PRKAA1: variants seen among roughly 807,000 people sequenced by gnomAD.
PRKAA1 encodes protein kinase AMP-activated catalytic subunit alpha 1, also known as 5'-AMP-activated protein kinase catalytic subunit alpha-1.
PRKAA1 carries 23 observed loss-of-function variants against 56.9 expected under a neutral mutation model. The observed-to-expected ratio is 0.40, with a 90% CI of 0.29 to 0.57. The LOEUF is 0.57. Among genes scored for constraint, PRKAA1 ranks in the 20% least tolerant of loss-of-function variants. PRKAA1 has a pLI of 0.39. For synonymous variants in PRKAA1, 226 were observed against 227.0 expected, an observed-to-expected ratio of 1.00 and a Z score of 0.04; for missense variants, 413 against 679.7, an observed-to-expected ratio of 0.61 and a Z score of 4.36.
Position 40,770,732 on chromosome 5 carries a change from TAGGCACGCA to T in PRKAA1, c.508+978_508+986del, listed in dbSNP as rs1402033510. Reference sequence around the variant, plus strand: ...TCAGCCTCCAGGGTAGTGGGGACTATAGGCACGCACCACCATGCCCAGCTAATTTTGTAT... The same window carrying T: ...TCAGCCTCCAGGGTAGTGGGGACTATCCACCATGCCCAGCTAATTTTGTAT... On this transcript the variant is annotated intron_variant, in intron 4 of 8. Coordinates refer to ENST00000397128, the MANE Select transcript of PRKAA1 (RefSeq NM_006251.6). Among the ~76,000 whole-genome samples the T allele has an allele frequency of 6.1e-3, 923 of 151,218 alleles. 12 individuals are homozygous for T. The highest frequency in any genetic ancestry group is 0.021 in the African/African-American group (873 of 41,304).
intron 1 of PRKAA1, among the ~76,000 whole-genome samples, chr5:40,794,647 T>C (rs1337130483): frequency 1.6e-5 from 2 of 126,536 alleles, no homozygotes; most frequent in African/African-American, 5.3e-5. Context: ...TTAATCCATC[T>C]TGAGTTGATT....
At chr5:40,782,116 T>C (rs1390306148) in intron 1 of PRKAA1, among the ~76,000 whole-genome samples, 1 of 152,150 alleles carries the variant, frequency 6.6e-6, no homozygotes, top group Non-Finnish European at 1.5e-5. Flanking sequence ...CAATACTGGA[T>C]AATACTGGTG....
chr5:40,789,900 T>A (rs777312196), intron 1 of PRKAA1, among the ~76,000 whole-genome samples: 4 of 152,204 alleles, frequency 2.6e-5, no homozygotes, highest in Non-Finnish European at 4.4e-5. Flanking sequence ...CATAAATATA[T>A]ACAATTGTTA....
intron 1 of PRKAA1, among the ~76,000 whole-genome samples, chr5:40,786,269 AAGC>A (rs1251731362): frequency 4.6e-5 from 7 of 151,614 alleles, no homozygotes; most frequent in Non-Finnish European, 1.0e-4. Flanking sequence ...AAAAAAAAAA[AAGC>A]AGCAGCAGCT....
At chr5:40,786,608 T>C (rs1309246777) in intron 1 of PRKAA1, among the ~76,000 whole-genome samples, 2 of 151,142 alleles carry the variant, frequency 1.3e-5, no homozygotes, top group African/African-American at 4.9e-5. Flanking sequence ...GACAGGCCAC[T>C]GGAAATCATA....
chr5:40,784,397 C>A (rs1460983479), intron 1 of PRKAA1, among the ~76,000 whole-genome samples: 2 of 152,168 alleles, frequency 1.3e-5, no homozygotes, highest in Non-Finnish European at 2.9e-5. Flanking sequence ...ACCACCACTA[C>A]CACCAATCCT....
At chr5:40,763,138 T>G in intron 8 of PRKAA1, 116 bp from the exon 9 acceptor site, 1 of 926,800 alleles carries the variant, frequency 1.1e-6, no homozygotes, top group Non-Finnish European at 1.6e-6. Context: ...AAGAGCACGC[T>G]TATTCTAAAT....
At chr5:40,788,149 G>T (rs1160553335) in intron 1 of PRKAA1, among the ~76,000 whole-genome samples, 3 of 152,156 alleles carry the variant, frequency 2.0e-5, no homozygotes, top group Non-Finnish European at 4.4e-5. Context: ...AATTAAAACA[G>T]CACGGCACTG....
In PRKAA1 at chr5:40,759,438, A is replaced by C. The variant is rs1743072053; in HGVS notation, c.*3340T>G. The C allele has an allele frequency of 6.6e-6, 1 of 152,300 alleles. No homozygotes were observed. The highest frequency in any genetic ancestry group is 1.5e-5 in the Non-Finnish European group (1 of 68,030). 9.4% of individuals were successfully genotyped at this position (152,300 alleles called of 1,614,324 possible). A position where few individuals can be genotyped will look rare whatever the true frequency, so the allele number is the denominator to read the frequency against. On this transcript the variant is annotated 3_prime_UTR_variant, in exon 9 of 9. Coordinates refer to ENST00000397128, the MANE Select transcript of PRKAA1 (RefSeq NM_006251.6). ...TCATATTTCTAAATCAAGGAAGCTGAAATTATATACTTAAATATACTCTGG... is the reference window on the plus strand; with the variant it reads ...TCATATTTCTAAATCAAGGAAGCTGCAATTATATACTTAAATATACTCTGG...
chr5:40,769,585 G>T (rs1579720153), intron 4 of PRKAA1, 82 bp from the exon 5 acceptor site: 3 of 1,103,896 alleles, frequency 2.7e-6, no homozygotes, highest in East Asian at 2.4e-5. Context: ...AATTGAGTTT[G>T]CATTAAAATG....
chr5:40,785,835 C>G (rs1049296531), intron 1 of PRKAA1, among the ~76,000 whole-genome samples: 57 of 142,128 alleles, frequency 4.0e-4, no homozygotes, highest in African/African-American at 1.3e-3. Flanking sequence ...CACACACACA[C>G]ACACAGAGAG....
At chr5:40,795,711 G>A (rs980937523) in intron 1 of PRKAA1, among the ~76,000 whole-genome samples, 1 of 152,168 alleles carries the variant, frequency 6.6e-6, no homozygotes, top group African/African-American at 2.4e-5. Flanking sequence ...CATCCCAACT[G>A]TTAACTTAAA....
chr5:40,782,395 G>A (rs1228216918), intron 1 of PRKAA1, among the ~76,000 whole-genome samples: 1 of 152,116 alleles, frequency 6.6e-6, no homozygotes, highest in East Asian at 1.9e-4. Context: ...TAATGCTGCT[G>A]GGGAAAACAG....
rs189332214 is a variant in PRKAA1 at position 40,797,440 on chromosome 5, T to A, written c.127+623A>T. 4.2e-3 allele frequency among the ~76,000 whole-genome samples: 635 copies of A among 152,326 alleles called. 4 individuals are homozygous for A. Among genetic ancestry groups the A allele is most frequent in the African/African-American group, 0.015 (609 of 41,576 alleles). ...AACGTAAACCATGCATCGCAAATAC[T>A]GAACCAGTTTATACTCATTAACTGC... On this transcript the variant is annotated intron_variant, in intron 1 of 8. Coordinates refer to ENST00000397128, the MANE Select transcript of PRKAA1 (RefSeq NM_006251.6).
intron 6 of PRKAA1, 95 bp from the exon 7 acceptor site, chr5:40,765,333 A>G: frequency 1.5e-6 from 2 of 1,345,578 alleles, no homozygotes; most frequent in Non-Finnish European, 2.0e-6. Flanking sequence ...CTTAATTTAT[A>G]TTTATATTCA....
chr5:40,777,738 A>C (rs1340273696), intron 1 of PRKAA1, 152 bp from the exon 2 acceptor site: 1 of 667,906 alleles, frequency 1.5e-6, no homozygotes. Context: ...GTTCGAAACC[A>C]ATCTGGCCAA....
chr5:40,774,549 A>ACTTTTTTTTTTTTTT (rs1554031839), intron 3 of PRKAA1, among the ~76,000 whole-genome samples: 2 of 125,084 alleles, frequency 1.6e-5, no homozygotes, highest in African/African-American at 3.1e-5. Context: ...TCCAGGCAGA[A>ACTTTTTTTTTTTTTT]TTTTTTTTTT....
chr5:40,790,525 C>CTCTTTTTTTTTT (rs546238399), intron 1 of PRKAA1, among the ~76,000 whole-genome samples: 1 of 112,028 alleles, frequency 8.9e-6, no homozygotes, highest in Admixed American at 8.4e-5. Context: ...TCAACTCTTT[C>CTCTTTTTTTTTT]TTTTTTTTTT....
At chr5:40,787,879 C>T (rs1157477919) in intron 1 of PRKAA1, among the ~76,000 whole-genome samples, 1 of 152,106 alleles carries the variant, frequency 6.6e-6, no homozygotes, top group Non-Finnish European at 1.5e-5. Flanking sequence ...ATTAAATTCT[C>T]CAAACAACAG....
Sources: gnomAD v4.1 joint callset for allele counts (sites outside exome capture counted in the v4.1 genomes callset) on GRCh38, gnomAD v4.1.1 for gene constraint, MANE v1.5 for transcripts, NCBI Gene and HGNC (gene_info 2026-07-23, HGNC 2026-07-21) for gene names.